GRIP1: variants seen among roughly 807,000 people sequenced by gnomAD.
GRIP1 encodes the protein glutamate receptor-interacting protein 1.
GRIP1 carries 45 observed loss-of-function variants against 129.9 expected under a neutral mutation model. That is an observed-to-expected ratio of 0.35 (90% CI 0.27 to 0.44). The LOEUF (loss-of-function observed/expected upper bound fraction) is 0.44. Ranked by LOEUF, GRIP1 falls within the 20% of genes least tolerant of loss-of-function variation. The pLI, the probability that GRIP1 is intolerant of heterozygous loss-of-function variation, is 1.00. For missense variants in GRIP1, 1,196 were observed against 1,396.8 expected (o/e 0.86, Z 2.29); for synonymous variants, 530 against 520.8 (o/e 1.02, Z -0.24).
At chr12:66,841,788 G>A (rs1171418965) in intron 1 of GRIP1, among the ~76,000 whole-genome samples, 1 of 152,158 alleles carries the variant, frequency 6.6e-6, no homozygotes, top group Non-Finnish European at 1.5e-5. Context: ...CTTCACGGGG[G>A]CATCTTGGGG....
intron 2 of GRIP1, among the ~76,000 whole-genome samples, chr12:66,569,955 T>C (rs1399114314): frequency 6.6e-6 from 1 of 152,118 alleles, no homozygotes; most frequent in Non-Finnish European, 1.5e-5. Flanking sequence ...ATTTATCCAA[T>C]GATATCACCA....
Position 66,829,771 on chromosome 12 carries a change from A to G in GRIP1, c.59-232844T>C, listed in dbSNP as rs1316243483. On this transcript the variant is annotated intron_variant, in intron 1 of 1. Transcript: ENST00000643019. ...AACAGGGCAAGTACTATTACCTCTC[A>G]GTTTCAGGTTAGGAAAGCCTGCAGA... 2.0e-5 allele frequency among the ~76,000 whole-genome samples: 3 copies of G among 152,220 alleles called. No individual in the cohort carries two copies. In the South Asian group the frequency reaches 6.2e-4, roughly 32 times the overall value.
chr12:66,795,074 G>C (rs2038656817), intron 1 of GRIP1, among the ~76,000 whole-genome samples: 1 of 152,156 alleles, frequency 6.6e-6, no homozygotes, highest in African/African-American at 2.4e-5. Flanking sequence ...ACTGAGCAAA[G>C]TTTTTAAAGG....
chr12:66,929,910 T>C (rs12815995), intron 1 of GRIP1, among the ~76,000 whole-genome samples: 31,374 of 152,088 alleles, frequency 0.21, 3,495 homozygotes, highest in South Asian at 0.26. Flanking sequence ...CTACTTATGA[T>C]TGACTACATT....
In GRIP1 at chr12:66,371,844, G is replaced by A. The variant is rs1403147913; in HGVS notation, c.2862C>T (p.Phe954=). The A allele has an allele frequency of 6.2e-7, 1 of 1,613,782 alleles. No homozygotes were observed. The highest frequency in any genetic ancestry group is 1.3e-5 in the African/African-American group (1 of 74,912). Reference sequence around the variant, plus strand: ...GCGGCCGCGAGCTGCTGCGCTCCTGGAAGCTGGCCTGTCGCCCCAGCTGAC... The same window carrying A: ...GCGGCCGCGAGCTGCTGCGCTCCTGAAAGCTGGCCTGTCGCCCCAGCTGAC... The part of the protein sequence containing the change: ...PRSQLGRQAS[F]QERSSSRPHY... The change falls in exon 23 of 25, where the codon TTC becomes TTT. Residue 954 remains phenylalanine, a synonymous_variant. Coordinates refer to ENST00000359742, the MANE Select transcript of GRIP1 (RefSeq NM_001366722.1).
intron 1 of GRIP1, among the ~76,000 whole-genome samples, chr12:66,860,114 C>T (rs11176459): frequency 0.25 from 38,362 of 151,950 alleles, 5,223 homozygotes; most frequent in East Asian, 0.52. Flanking sequence ...ATCCTTGGTC[C>T]GGAAATCAAC....
At chr12:66,488,363 C>T (rs186460922) in intron 7 of GRIP1, among the ~76,000 whole-genome samples, 49 of 152,214 alleles carry the variant, frequency 3.2e-4, no homozygotes, top group African/African-American at 1.2e-3. Flanking sequence ...ACAACCTGCT[C>T]CTGAGTGACC....
intron 14 of GRIP1, among the ~76,000 whole-genome samples, chr12:66,426,289 T>C (rs536098325): frequency 6.6e-6 from 1 of 152,358 alleles, no homozygotes; most frequent in African/African-American, 2.4e-5. Context: ...GTGTCATTTG[T>C]ACTCAACCTG....
chr12:66,920,336 C>T (rs766862358), intron 1 of GRIP1, among the ~76,000 whole-genome samples: 4 of 152,136 alleles, frequency 2.6e-5, no homozygotes, highest in Non-Finnish European at 5.9e-5. Flanking sequence ...TCCTGGCCCA[C>T]TGGTATAATC....
intron 1 of GRIP1, among the ~76,000 whole-genome samples, chr12:66,604,922 T>TA (rs11390269): frequency 0.34 from 51,065 of 151,786 alleles, 8,874 homozygotes; most frequent in Non-Finnish European, 0.37. Context: ...CCTGGAGGGA[T>TA]AAGAACCAGT....
Position 67,019,011 on chromosome 12 carries a change from A to C in GRIP1, c.58+50039T>G, listed in dbSNP as rs533586855. On this transcript the variant is annotated intron_variant, in intron 1 of 1. Transcript: ENST00000643019. ...TATACTTCAGGGAGAAGTTGACTTAAATTCACATTATTAAATGGGGCTGAT... is the reference window on the plus strand; with the variant it reads ...TATACTTCAGGGAGAAGTTGACTTACATTCACATTATTAAATGGGGCTGAT... Among the ~76,000 whole-genome samples the C allele has an allele frequency of 3.9e-5, 6 of 152,252 alleles. No homozygotes were observed. In the East Asian group the frequency reaches 5.8e-4, roughly 15 times the overall value.
intron 1 of GRIP1, among the ~76,000 whole-genome samples, chr12:67,036,171 G>A (rs1479621423): frequency 6.6e-6 from 1 of 152,004 alleles, no homozygotes; most frequent in Non-Finnish European, 1.5e-5. Context: ...CTTAAAATTA[G>A]CTTGAACTCA....
intron 1 of GRIP1, among the ~76,000 whole-genome samples, chr12:66,849,317 G>GT (rs2137073476): frequency 6.6e-6 from 1 of 152,214 alleles, no homozygotes; most frequent in African/African-American, 2.4e-5. Context: ...GCCTGCACAG[G>GT]TCACTCCAGC....
At chr12:66,613,079 A>G (rs996531744) in intron 1 of GRIP1, among the ~76,000 whole-genome samples, 3 of 152,194 alleles carry the variant, frequency 2.0e-5, no homozygotes, top group Non-Finnish European at 2.9e-5. Context: ...AATACACAAG[A>G]AACCTATTAA....
intron 1 of GRIP1, among the ~76,000 whole-genome samples, chr12:66,896,467 C>G (rs2040748966): frequency 1.1e-5 from 1 of 95,212 alleles, no homozygotes. Context: ...AGAATATTAC[C>G]TCTGAGGAAT....
intron 19 of GRIP1, among the ~76,000 whole-genome samples, chr12:66,383,299 AAAC>A (rs59263648): frequency 0.079 from 11,234 of 141,316 alleles, 645 homozygotes; most frequent in African/African-American, 0.15. Context: ...TCTGTCTCAA[AAAC>A]AACAACAACA....
chr12:66,700,797 A>G (rs1565975621), intron 1 of GRIP1, among the ~76,000 whole-genome samples: 1 of 152,118 alleles, frequency 6.6e-6, no homozygotes, highest in Non-Finnish European at 1.5e-5. Context: ...GATTTGAGAA[A>G]TATTTTGGAG....
chr12:66,349,223 G>A lies in GRIP1; in HGVS notation c.3183C>T (p.Asp1061=), dbSNP rs1272123020. 2.5e-6 allele frequency: 4 copies of A among 1,613,848 alleles called. 1 individual carries two copies. The South Asian group carries it at 3.3e-5, about 13-fold the overall frequency. The change falls in exon 25 of 25, where the codon GAC becomes GAT. Residue 1061 remains aspartate (D), a synonymous_variant. Coordinates refer to ENST00000359742, the MANE Select transcript of GRIP1 (RefSeq NM_001366722.1). Reference sequence around the variant, plus strand: ...GGGGCACAACAAGGCAGCAGTCAAAGTCTCTGGTTCGGACATGATTCACCT... The same window carrying A: ...GGGGCACAACAAGGCAGCAGTCAAAATCTCTGGTTCGGACATGATTCACCT... ...LLQVNHVRTR[D]FDCCLVVPLI...
chr12:66,607,630 C>T (rs985845052), intron 1 of GRIP1, among the ~76,000 whole-genome samples: 4 of 152,100 alleles, frequency 2.6e-5, no homozygotes, highest in African/African-American at 9.7e-5. Flanking sequence ...GCAAGGAGAT[C>T]GCTGAGTCTG....
Sources: gnomAD v4.1 joint callset for allele counts (sites outside exome capture counted in the v4.1 genomes callset) on GRCh38, gnomAD v4.1.1 for gene constraint, MANE v1.5 for transcripts, NCBI Gene and HGNC (gene_info 2026-07-23, HGNC 2026-07-21) for gene names.